Variants in TBC1D22A observed in about 807,000 individuals in gnomAD.
TBC1D22A encodes putative GTPase activator.
TBC1D22A carries 38 observed loss-of-function variants against 60.2 expected under a neutral mutation model. The ratio of observed to expected loss-of-function variants is 0.63; its 90% CI spans 0.49 to 0.83. The LOEUF (loss-of-function observed/expected upper bound fraction) is 0.83. Ranked by LOEUF, TBC1D22A falls within the 40% of genes least tolerant of loss-of-function variation. The pLI is 0.00. For missense variants in TBC1D22A, 628 were observed against 701.0 expected (o/e 0.90, Z 1.18); for synonymous variants, 302 against 281.7 (o/e 1.07, Z -0.72).
In TBC1D22A at chr22:46,968,145, A is replaced by G. The variant is rs139079734; in HGVS notation, c.1016-6145A>G. On this transcript the variant is annotated intron_variant, in intron 8 of 12. Coordinates refer to ENST00000337137, the MANE Select transcript of TBC1D22A (RefSeq NM_014346.5). ...CGTGGCATGGCTGCGGGGTTGTTGT[A>G]TTTCTGGAGTTAGACCTGCCTGGAG... 5.5e-4 allele frequency among the ~76,000 whole-genome samples: 83 copies of G among 152,204 alleles called. 1 individual carries two copies. The East Asian group carries it at 0.015, about 28-fold the overall frequency.
intron 12 of TBC1D22A, among the ~76,000 whole-genome samples, chr22:47,133,025 T>C (rs1485538072): frequency 2.6e-5 from 4 of 152,196 alleles, no homozygotes; most frequent in South Asian, 2.1e-4. Flanking sequence ...AGTGTGCTCA[T>C]TGAGATATGG....
intron 11 of TBC1D22A, among the ~76,000 whole-genome samples, chr22:47,055,210 A>C (rs562536291): frequency 2.8e-4 from 42 of 152,324 alleles, no homozygotes; most frequent in African/African-American, 1.0e-3. Context: ...TACTGCTCCC[A>C]CAAGTCTTTC....
chr22:47,056,215 C>T (rs1270143097), intron 11 of TBC1D22A, among the ~76,000 whole-genome samples: 5 of 152,012 alleles, frequency 3.3e-5, no homozygotes, highest in East Asian at 1.9e-4. Flanking sequence ...GCTCCCCAGC[C>T]GTGGTGTAGA....
intron 10 of TBC1D22A, among the ~76,000 whole-genome samples, chr22:47,015,469 C>G (rs74434754): frequency 6.6e-6 from 1 of 152,230 alleles, no homozygotes; most frequent in Non-Finnish European, 1.5e-5. Context: ...CTTCTAATTT[C>G]GAGGAAACCT....
chr22:46,789,499 T>A (rs1569034419), intron 1 of TBC1D22A: 1 of 280,954 alleles, frequency 3.6e-6, no homozygotes, highest in Admixed American at 4.0e-5. Context: ...GCCGGAATAG[T>A]TTGGATGTGT....
chr22:46,801,377 G>C (rs1005634204), intron 4 of TBC1D22A, among the ~76,000 whole-genome samples: 1 of 152,260 alleles, frequency 6.6e-6, no homozygotes, highest in Non-Finnish European at 1.5e-5. Flanking sequence ...GATGTGAGAA[G>C]TGCCTACAGA....
At chr22:46,928,554 G>A (rs1193390429) in intron 8 of TBC1D22A, among the ~76,000 whole-genome samples, 1 of 152,138 alleles carries the variant, frequency 6.6e-6, no homozygotes, top group Non-Finnish European at 1.5e-5. Flanking sequence ...AGGGACAAAG[G>A]ATAGATAAAT....
intron 12 of TBC1D22A, among the ~76,000 whole-genome samples, chr22:47,152,747 G>A (rs182352283): frequency 6.6e-5 from 10 of 152,258 alleles, no homozygotes; most frequent in Middle Eastern, 3.4e-3. Flanking sequence ...TTACAGGCCC[G>A]GGCACGGGGC....
chr22:47,155,991 A>G (rs963696147), intron 12 of TBC1D22A, among the ~76,000 whole-genome samples: 10 of 152,186 alleles, frequency 6.6e-5, no homozygotes, highest in Non-Finnish European at 1.5e-4. Context: ...GTGTGTGCCC[A>G]GCGTCGTGTT....
At chr22:46,924,903 G>C (rs1307127653) in intron 8 of TBC1D22A, among the ~76,000 whole-genome samples, 3 of 152,204 alleles carry the variant, frequency 2.0e-5, no homozygotes, top group Non-Finnish European at 2.9e-5. Context: ...GTGTGGTGGG[G>C]ATGGCAGGTA....
chr22:46,774,922 A>G (rs1432544860), intron 1 of TBC1D22A, among the ~76,000 whole-genome samples: 1 of 152,234 alleles, frequency 6.6e-6, no homozygotes, highest in Non-Finnish European at 1.5e-5. Context: ...TGTGCCGTGC[A>G]GCTTTCTGCA....
intron 11 of TBC1D22A, among the ~76,000 whole-genome samples, chr22:47,058,600 G>T (rs921577994): frequency 6.6e-6 from 1 of 151,818 alleles, no homozygotes; most frequent in African/African-American, 2.4e-5. Context: ...CTGTCCCCTG[G>T]TTCCGAGTTA....
chr22:46,867,048 T>C (rs1432743912), intron 4 of TBC1D22A, among the ~76,000 whole-genome samples: 1 of 152,246 alleles, frequency 6.6e-6, no homozygotes, highest in Non-Finnish European at 1.5e-5. Flanking sequence ...CTGTTCTGCT[T>C]ATTCTCCAGC....
At chr22:46,876,414 T>C (rs1267039000) in intron 4 of TBC1D22A, among the ~76,000 whole-genome samples, 1 of 152,210 alleles carries the variant, frequency 6.6e-6, no homozygotes, top group Non-Finnish European at 1.5e-5. Flanking sequence ...CAAAATAATA[T>C]AAATCGTTCT....
At chr22:47,067,394 A>C (rs1229400500) in intron 11 of TBC1D22A, among the ~76,000 whole-genome samples, 1 of 152,190 alleles carries the variant, frequency 6.6e-6, no homozygotes, top group Non-Finnish European at 1.5e-5. Flanking sequence ...TGCCACCTCT[A>C]TTCATCCCGG....
intron 12 of TBC1D22A, among the ~76,000 whole-genome samples, chr22:47,131,210 C>T (rs1294027671): frequency 6.6e-6 from 1 of 152,224 alleles, no homozygotes; most frequent in East Asian, 1.9e-4. Context: ...CACATTCCAC[C>T]ATGAGATTGA....
chr22:46,960,351 T>G (rs2073429930), intron 8 of TBC1D22A, among the ~76,000 whole-genome samples: 2 of 152,048 alleles, frequency 1.3e-5, no homozygotes, highest in Admixed American at 1.3e-4. Flanking sequence ...AACCTCCGAC[T>G]CCTGGGTTCA....
intron 12 of TBC1D22A, among the ~76,000 whole-genome samples, chr22:47,149,527 A>G (rs28574605): frequency 0.026 from 3,998 of 152,322 alleles, 123 homozygotes; most frequent in African/African-American, 0.077. Context: ...TGGGCGGGAC[A>G]GAGTTGTGAT....
intron 10 of TBC1D22A, among the ~76,000 whole-genome samples, chr22:47,018,200 A>G (rs532047291): frequency 2.0e-5 from 3 of 152,276 alleles, no homozygotes; most frequent in Admixed American, 6.5e-5. Context: ...TGTTCTTCCT[A>G]TCCATGGAAG....
Sources: gnomAD v4.1 joint callset for allele counts (sites outside exome capture counted in the v4.1 genomes callset) on GRCh38, gnomAD v4.1.1 for gene constraint, MANE v1.5 for transcripts, NCBI Gene and HGNC (gene_info 2026-07-23, HGNC 2026-07-21) for gene names.